Variants in HS3ST5 observed in about 807,000 individuals in gnomAD.
HS3ST5 encodes heparan sulfate-glucosamine 3-sulfotransferase 5, also known as heparan sulfate glucosamine 3-O-sulfotransferase 5.
HS3ST5 carries 10 observed loss-of-function variants against 25.4 expected under a neutral mutation model. That is an observed-to-expected ratio of 0.39 (90% CI 0.24 to 0.67). HS3ST5 has a LOEUF of 0.67. Among genes scored for constraint, HS3ST5 ranks in the 30% least tolerant of loss-of-function variants. The pLI is 0.44. For synonymous variants in HS3ST5, 170 were observed against 162.4 expected, an observed-to-expected ratio of 1.05 and a Z score of -0.36; for missense variants, 324 against 420.7, an observed-to-expected ratio of 0.77 and a Z score of 2.01.
At chr6:114,126,529 T>G (rs906719868) in intron 3 of HS3ST5, among the ~76,000 whole-genome samples, 7 of 152,234 alleles carry the variant, frequency 4.6e-5, no homozygotes, top group Non-Finnish European at 1.0e-4. Context: ...TTCTTGGGAC[T>G]GTTTATTCAT....
At position 114,192,812 on chromosome 6, in the gene HS3ST5, C is replaced by T. The variant is rs929801875; in HGVS notation, c.-144-24350G>A. On this transcript the variant is annotated intron_variant, in intron 2 of 4. Transcript: ENST00000312719. ...AGTAAAAAGAAATAAGATACTGTAA[C>T]GTCAGTCAAAATATATATAGACTAC... 8.5e-5 allele frequency among the ~76,000 whole-genome samples: 13 copies of T among 152,122 alleles called. No individual in the cohort carries two copies. In the East Asian group the frequency reaches 1.3e-3, roughly 16 times the overall value.
At chr6:114,069,671 C>T (rs1007667461) in intron 3 of HS3ST5, among the ~76,000 whole-genome samples, 9 of 152,058 alleles carry the variant, frequency 5.9e-5, no homozygotes, top group Admixed American at 4.6e-4. Flanking sequence ...GCACACACCG[C>T]CATGCCCAGT....
chr6:114,082,070 A>C (rs1342369197), intron 3 of HS3ST5, among the ~76,000 whole-genome samples: 1 of 152,198 alleles, frequency 6.6e-6, no homozygotes, highest in East Asian at 1.9e-4. Flanking sequence ...CTGTCGCACT[A>C]TTCCTTCTTG....
chr6:114,092,199 C>T lies in HS3ST5; in HGVS notation c.-32-29322G>A, dbSNP rs140345181. Among the ~76,000 whole-genome samples, 102 of 152,210 alleles carry T rather than the reference C, an allele frequency of 6.7e-4. 1 individual carries two copies. The East Asian group carries it at 0.019, about 28-fold the overall frequency. On this transcript the variant is annotated intron_variant, in intron 3 of 4. Coordinates refer to ENST00000312719, the MANE Select transcript of HS3ST5 (RefSeq NM_153612.4). ...CCTTCCATTTTTAAGATGACAGTGC[C>T]CTTACTTTAGTGACATAACCCATGC...
intron 2 of HS3ST5, among the ~76,000 whole-genome samples, chr6:114,186,977 T>G (rs1322891843): frequency 6.6e-6 from 1 of 152,204 alleles, no homozygotes. Context: ...TGACAGCACA[T>G]CTGTTTATAG....
In HS3ST5 at chr6:114,250,390, G is replaced by T. The variant is rs1467646341; in HGVS notation, c.-338-21612C>A. ...AGGTCAGAAGATCGAGACCATCCTG[G>T]CTAACACGGTGAAACCCCGTCTCTA... On this transcript the variant is annotated intron_variant, in intron 1 of 4. Coordinates refer to ENST00000312719, the MANE Select transcript of HS3ST5 (RefSeq NM_153612.4). Among the ~76,000 whole-genome samples, 4 of 152,130 alleles carry T rather than the reference G, an allele frequency of 2.6e-5. No individual in the cohort carries two copies. In the East Asian group the frequency reaches 7.7e-4, roughly 29 times the overall value.
chr6:114,298,946 A>G (rs1405388491), intron 1 of HS3ST5, among the ~76,000 whole-genome samples: 1 of 152,190 alleles, frequency 6.6e-6, no homozygotes, highest in Non-Finnish European at 1.5e-5. Context: ...GTGTTTGAAC[A>G]ATATGAAATC....
chr6:114,261,290 G>T (rs1481179498), intron 1 of HS3ST5, among the ~76,000 whole-genome samples: 1 of 152,152 alleles, frequency 6.6e-6, no homozygotes, highest in East Asian at 1.9e-4. Flanking sequence ...TTGAAGAAAA[G>T]ATGAGAATTA....
chr6:114,207,998 C>G (rs951971224), intron 2 of HS3ST5, among the ~76,000 whole-genome samples: 1 of 152,112 alleles, frequency 6.6e-6, no homozygotes, highest in African/African-American at 2.4e-5. Context: ...TATAGTTACT[C>G]TAAGTTAGGC....
At chr6:114,072,751 C>G (rs1438148400) in intron 3 of HS3ST5, among the ~76,000 whole-genome samples, 1 of 152,162 alleles carries the variant, frequency 6.6e-6, no homozygotes, top group Non-Finnish European at 1.5e-5. Context: ...CTATCCCCAT[C>G]AAGCTACCAA....
At chr6:114,138,756 T>G (rs1454899116) in intron 3 of HS3ST5, among the ~76,000 whole-genome samples, 5 of 152,100 alleles carry the variant, frequency 3.3e-5, no homozygotes, top group African/African-American at 1.2e-4. Flanking sequence ...TAATGGTGAG[T>G]TGTCTTAGTC....
chr6:114,258,258 T>G (rs1008689875), intron 1 of HS3ST5, among the ~76,000 whole-genome samples: 1 of 151,916 alleles, frequency 6.6e-6, no homozygotes, highest in Non-Finnish European at 1.5e-5. Context: ...CTGTGGGGAG[T>G]GCGTGACGAT....
At chr6:114,108,007 G>A (rs1855625) in intron 3 of HS3ST5, among the ~76,000 whole-genome samples, 1 of 151,888 alleles carries the variant, frequency 6.6e-6, no homozygotes, top group Admixed American at 6.6e-5. Flanking sequence ...AAAATTCATA[G>A]GGAAATTCAC....
At chr6:114,217,560 G>A (rs1262048799) in intron 2 of HS3ST5, among the ~76,000 whole-genome samples, 1 of 152,210 alleles carries the variant, frequency 6.6e-6, no homozygotes, top group Admixed American at 6.5e-5. Context: ...CAACAAGAGA[G>A]ACCATTTGGA....
At chr6:114,144,545 T>C (rs1778062119) in intron 3 of HS3ST5, among the ~76,000 whole-genome samples, 1 of 151,940 alleles carries the variant, frequency 6.6e-6, no homozygotes, top group South Asian at 2.1e-4. Flanking sequence ...GCATTTAATC[T>C]TGAAACTTCT....
intron 3 of HS3ST5, among the ~76,000 whole-genome samples, chr6:114,145,948 T>C (rs539512476): frequency 6.6e-6 from 1 of 152,294 alleles, no homozygotes; most frequent in Admixed American, 6.5e-5. Context: ...CCAATGGACA[T>C]CTGAAAGGAA....
chr6:114,132,848 TGAATTCAGAG>T (rs1200530244), intron 3 of HS3ST5, among the ~76,000 whole-genome samples: 2 of 152,234 alleles, frequency 1.3e-5, no homozygotes, highest in South Asian at 4.1e-4. Flanking sequence ...CAAGCCGGTC[TGAATTCAGAG>T]GACTTGAGTT....
At chr6:114,296,876 G>GTAAC (rs1258902184) in intron 1 of HS3ST5, among the ~76,000 whole-genome samples, 1 of 152,158 alleles carries the variant, frequency 6.6e-6, no homozygotes, top group Non-Finnish European at 1.5e-5. Flanking sequence ...GAACAGAAAG[G>GTAAC]TAACACAAAG....
chr6:114,324,517 G>A (rs916032475), intron 1 of HS3ST5, among the ~76,000 whole-genome samples: 8 of 152,088 alleles, frequency 5.3e-5, no homozygotes, highest in African/African-American at 9.7e-5. Context: ...CCTTCTCCCC[G>A]AATTATTTAA....
Sources: gnomAD v4.1 joint callset for allele counts (sites outside exome capture counted in the v4.1 genomes callset) on GRCh38, gnomAD v4.1.1 for gene constraint, MANE v1.5 for transcripts, NCBI Gene and HGNC (gene_info 2026-07-23, HGNC 2026-07-21) for gene names.